The following PTPRD variants were observed in gnomAD, a reference collection of about 807,000 sequenced individuals.
PTPRD encodes receptor-type tyrosine-protein phosphatase delta.
Under a neutral mutation model 214.5 loss-of-function variants are expected in PTPRD, and 34 were observed. The observed-to-expected ratio is 0.16, with a 90% CI of 0.12 to 0.21. The LOEUF is 0.21. Ranked by LOEUF, PTPRD falls within the 10% of genes least tolerant of loss-of-function variation. PTPRD has a pLI of 1.00. For missense variants in PTPRD, 2,545 were observed against 2,398.7 expected (o/e 1.06, Z -1.27); for synonymous variants, 1,128 against 845.7 (o/e 1.33, Z -5.79).
At chr9:10,452,800 T>C (rs2098851622) in intron 2 of PTPRD, among the ~76,000 whole-genome samples, 1 of 151,834 alleles carries the variant, frequency 6.6e-6, no homozygotes, top group African/African-American at 2.4e-5. Flanking sequence ...ATGAGTTGTT[T>C]CCATTGTTGT....
chr9:9,076,658 T>C (rs1392584914), intron 10 of PTPRD, among the ~76,000 whole-genome samples: 1 of 152,094 alleles, frequency 6.6e-6, no homozygotes. Flanking sequence ...TGAATAGTAC[T>C]CCACTGTGTG....
chr9:9,372,580 G>A (rs1005465180), intron 9 of PTPRD, among the ~76,000 whole-genome samples: 7 of 152,202 alleles, frequency 4.6e-5, no homozygotes, highest in East Asian at 1.9e-4. Flanking sequence ...TTGCCAGTCT[G>A]TGTCTTTTAA....
At chr9:9,520,745 G>A (rs1590584419) in intron 8 of PTPRD, among the ~76,000 whole-genome samples, 1 of 152,134 alleles carries the variant, frequency 6.6e-6, no homozygotes, top group East Asian at 1.9e-4. Flanking sequence ...TTAATTGAAT[G>A]CCAATAAAAT....
At chr9:9,030,282 T>A (rs1436334835) in intron 10 of PTPRD, among the ~76,000 whole-genome samples, 2 of 80,680 alleles carry the variant, frequency 2.5e-5, no homozygotes, top group East Asian at 4.5e-4. Context: ...TGGGCTTTTT[T>A]TTTTTTTTTT....
At chr9:10,406,896 G>A (rs2098371313) in intron 2 of PTPRD, among the ~76,000 whole-genome samples, 1 of 151,532 alleles carries the variant, frequency 6.6e-6, no homozygotes, top group Non-Finnish European at 1.5e-5. Flanking sequence ...GCAACAGACA[G>A]GAGCAATCAC....
chr9:9,728,531 C>G (rs2098131610), intron 7 of PTPRD, among the ~76,000 whole-genome samples: 2 of 152,056 alleles, frequency 1.3e-5, no homozygotes, highest in African/African-American at 4.8e-5. Context: ...AATGAAATAG[C>G]AGAGGGAGAC....
chr9:9,306,061 C>T (rs1957031847), intron 9 of PTPRD, among the ~76,000 whole-genome samples: 1 of 152,060 alleles, frequency 6.6e-6, no homozygotes, highest in East Asian at 1.9e-4. Flanking sequence ...GTACAGAGTA[C>T]AATAAGAGAA....
intron 9 of PTPRD, among the ~76,000 whole-genome samples, chr9:9,293,668 T>C (rs1404250532): frequency 6.6e-6 from 1 of 151,544 alleles, no homozygotes; most frequent in Non-Finnish European, 1.5e-5. Context: ...GGATATCTTC[T>C]AAGACCTCAG....
At chr9:8,433,139 G>C (rs549197471) in intron 35 of PTPRD, among the ~76,000 whole-genome samples, 1 of 152,130 alleles carries the variant, frequency 6.6e-6, no homozygotes, top group Non-Finnish European at 1.5e-5. Flanking sequence ...ACAAATAAGA[G>C]ACTGATCCAT....
chr9:9,877,355 GA>G (rs1163813390), intron 5 of PTPRD, among the ~76,000 whole-genome samples: 1 of 152,110 alleles, frequency 6.6e-6, no homozygotes, highest in Non-Finnish European at 1.5e-5. Context: ...GAGGATAAGG[GA>G]GGAAGATTTG....
intron 6 of PTPRD, among the ~76,000 whole-genome samples, chr9:9,741,272 G>A (rs913271619): frequency 1.6e-4 from 24 of 152,104 alleles, no homozygotes; most frequent in African/African-American, 5.8e-4. Flanking sequence ...GTACTTTAGT[G>A]ATAGAAGAAA....
intron 8 of PTPRD, among the ~76,000 whole-genome samples, chr9:9,469,424 A>G (rs1314370066): frequency 6.6e-6 from 1 of 152,150 alleles, no homozygotes; most frequent in Non-Finnish European, 1.5e-5. Context: ...TGGGTCTCAC[A>G]TGACCGATGT....
intron 2 of PTPRD, among the ~76,000 whole-genome samples, chr9:10,363,210 T>C (rs569526590): frequency 4.6e-5 from 7 of 152,234 alleles, no homozygotes; most frequent in Non-Finnish European, 8.8e-5. Flanking sequence ...GGTTCTTGAA[T>C]GAGGCCTGAA....
At chr9:10,137,986 A>G (rs2098954774) in intron 3 of PTPRD, among the ~76,000 whole-genome samples, 2 of 152,116 alleles carry the variant, frequency 1.3e-5, no homozygotes, top group African/African-American at 4.8e-5. Context: ...GAGGAATTAG[A>G]AAATCAAGAC....
chr9:8,448,308 A>G (rs2095814633), intron 34 of PTPRD, among the ~76,000 whole-genome samples: 2 of 152,200 alleles, frequency 1.3e-5, no homozygotes, highest in Non-Finnish European at 2.9e-5. Context: ...AGCCTGGACA[A>G]TCGAGTGAGA....
intron 8 of PTPRD, among the ~76,000 whole-genome samples, chr9:9,451,090 T>C (rs964640979): frequency 6.6e-6 from 1 of 151,436 alleles, no homozygotes; most frequent in Non-Finnish European, 1.5e-5. Flanking sequence ...ATTGTAGAAG[T>C]TGTTCAGTAA....
rs1952885426 is a variant in PTPRD, at chr9:9,296,011, GTT to G, written c.-203+101436_-203+101437del. Among the ~76,000 whole-genome samples, 7 of 151,714 alleles carry G rather than the reference GTT, an allele frequency of 4.6e-5. 1 individual carries two copies. The South Asian group carries it at 1.4e-3, about 31-fold the overall frequency. ...TATTACATGATACCTCAGGTTTTTT[GTT>G]TGTTTGTTTTGTTTTTGGTAATGAG... On this transcript the variant is annotated intron_variant, in intron 9 of 45. Coordinates refer to ENST00000381196, the MANE Select transcript of PTPRD (RefSeq NM_002839.4).
intron 4 of PTPRD, among the ~76,000 whole-genome samples, chr9:9,996,202 T>G (rs746429504): frequency 6.6e-6 from 1 of 152,282 alleles, no homozygotes; most frequent in Non-Finnish European, 1.5e-5. Context: ...TGGTCTGATA[T>G]CCTACTATGG....
chr9:10,277,099 T>C (rs1302328629), intron 3 of PTPRD, among the ~76,000 whole-genome samples: 2 of 152,192 alleles, frequency 1.3e-5, no homozygotes, highest in Admixed American at 6.5e-5. Context: ...GTTTATAGCC[T>C]AGTTATAGCT....
Sources: gnomAD v4.1 joint callset for allele counts (sites outside exome capture counted in the v4.1 genomes callset) on GRCh38, gnomAD v4.1.1 for gene constraint, MANE v1.5 for transcripts, NCBI Gene and HGNC (gene_info 2026-07-23, HGNC 2026-07-21) for gene names.